SDK1: variants seen among roughly 807,000 people sequenced by gnomAD.
SDK1 encodes protein sidekick-1.
In SDK1, 157 loss-of-function variants were observed where a neutral mutation model predicts 245.5. That is an observed-to-expected ratio of 0.64 (90% CI 0.56 to 0.73). The LOEUF (loss-of-function observed/expected upper bound fraction) is 0.73. Among genes scored for constraint, SDK1 ranks in the 30% least tolerant of loss-of-function variants. The pLI is 0.00. For missense variants in SDK1, 3,583 were observed against 3,002.3 expected, an observed-to-expected ratio of 1.19 and a Z score of -4.52; for synonymous variants, 1,647 against 1,278.5, an observed-to-expected ratio of 1.29 and a Z score of -6.15.
chr7:3,325,745 A>G (rs1342696192), intron 1 of SDK1, among the ~76,000 whole-genome samples: 1 of 152,178 alleles, frequency 6.6e-6, no homozygotes, highest in Non-Finnish European at 1.5e-5. Context: ...AATGTGTTAC[A>G]AATTTTTTAC....
intron 4 of SDK1, among the ~76,000 whole-genome samples, chr7:3,703,331 G>A (rs1024942662): frequency 3.3e-5 from 5 of 152,178 alleles, no homozygotes; most frequent in African/African-American, 1.2e-4. Flanking sequence ...GAATGAGTCT[G>A]AGGGGAATTA....
At chr7:4,209,017 G>A (rs200670625) in intron 37 of SDK1, among the ~76,000 whole-genome samples, 5 of 152,180 alleles carry the variant, frequency 3.3e-5, no homozygotes, top group Non-Finnish European at 5.9e-5. Context: ...GGGCAGAGAC[G>A]CAGGGCTCAG....
chr7:3,666,753 C>CA (rs1470511787), intron 4 of SDK1, among the ~76,000 whole-genome samples: 24 of 151,874 alleles, frequency 1.6e-4, no homozygotes, highest in African/African-American at 5.1e-4. Flanking sequence ...TTTGTGAAAA[C>CA]AAAAAAAATC....
At chr7:3,623,839 A>T (rs771250228) in intron 2 of SDK1, among the ~76,000 whole-genome samples, 1 of 152,202 alleles carries the variant, frequency 6.6e-6, no homozygotes, top group South Asian at 2.1e-4. Flanking sequence ...TAAAAATTTT[A>T]TAGTTTTCTT....
intron 1 of SDK1, among the ~76,000 whole-genome samples, chr7:3,392,569 T>A (rs1435678679): frequency 6.6e-6 from 1 of 152,182 alleles, no homozygotes; most frequent in East Asian, 1.9e-4. Context: ...AAAACGTCTT[T>A]GTCATTTCAA....
chr7:3,872,046 T>C (rs925326212), intron 5 of SDK1, among the ~76,000 whole-genome samples: 1 of 144,364 alleles, frequency 6.9e-6, no homozygotes, highest in Admixed American at 6.9e-5. Context: ...TCTATTGAGA[T>C]GATCATTTGT....
chr7:3,836,964 T>G (rs1004370132), intron 5 of SDK1, among the ~76,000 whole-genome samples: 1 of 152,016 alleles, frequency 6.6e-6, no homozygotes, highest in Non-Finnish European at 1.5e-5. Context: ...TCTCTGGGCA[T>G]TGGGGGTGCA....
chr7:3,601,794 A>C, intron 1 of SDK1, among the ~76,000 whole-genome samples: 1 of 150,920 alleles, frequency 6.6e-6, no homozygotes, highest in African/African-American at 2.4e-5. Context: ...GTCATTTAGC[A>C]TTAGGTATAT....
At chr7:3,327,836 A>G (rs1355454898) in intron 1 of SDK1, among the ~76,000 whole-genome samples, 1 of 152,148 alleles carries the variant, frequency 6.6e-6, no homozygotes, top group African/African-American at 2.4e-5. Flanking sequence ...GTAATGCTGT[A>G]ATTACCCATC....
chr7:3,542,147 G>A (rs1358729649), intron 1 of SDK1, among the ~76,000 whole-genome samples: 2 of 152,106 alleles, frequency 1.3e-5, no homozygotes, highest in African/African-American at 2.4e-5. Flanking sequence ...CCAAACTGTA[G>A]AATTTTAATT....
chr7:3,405,521 C>T (rs963827068), intron 1 of SDK1, among the ~76,000 whole-genome samples: 5 of 152,220 alleles, frequency 3.3e-5, no homozygotes, highest in African/African-American at 1.2e-4. Context: ...CCCAAAATCT[C>T]TGCCTGTCTT....
chr7:3,473,615 C>T (rs907631105), intron 1 of SDK1, among the ~76,000 whole-genome samples: 1 of 152,140 alleles, frequency 6.6e-6, no homozygotes, highest in East Asian at 1.9e-4. Flanking sequence ...TCCTTGCTTC[C>T]ATGTGCTTTA....
intron 4 of SDK1, among the ~76,000 whole-genome samples, chr7:3,676,158 G>T (rs543428001): frequency 1.3e-5 from 2 of 151,468 alleles, no homozygotes; most frequent in African/African-American, 4.9e-5. Context: ...GTGGAGACGG[G>T]GTCTCACTAT....
chr7:3,336,430 T>A (rs1490316460), intron 1 of SDK1, among the ~76,000 whole-genome samples: 1 of 152,050 alleles, frequency 6.6e-6, no homozygotes, highest in East Asian at 1.9e-4. Flanking sequence ...AAGGCCCAGG[T>A]TAGGGCCATA....
intron 4 of SDK1, among the ~76,000 whole-genome samples, chr7:3,654,419 C>T (rs1007458153): frequency 8.5e-5 from 13 of 152,126 alleles, no homozygotes; most frequent in African/African-American, 2.4e-4. Context: ...CCGTGCAGAG[C>T]GAGAGGTGGA....
At chr7:3,342,392 C>T (rs1214455534) in intron 1 of SDK1, among the ~76,000 whole-genome samples, 1 of 151,936 alleles carries the variant, frequency 6.6e-6, no homozygotes, top group Non-Finnish European at 1.5e-5. Flanking sequence ...AGTTTGAGAT[C>T]AGCCTGACCG....
At chr7:3,309,554 T>G (rs1227725335) in intron 1 of SDK1, among the ~76,000 whole-genome samples, 2 of 136,544 alleles carry the variant, frequency 1.5e-5, no homozygotes, top group African/African-American at 5.2e-5. Context: ...CATGAGTGTA[T>G]AAACTGTTCC....
At chr7:3,590,517 A>G (rs574389182) in intron 1 of SDK1, among the ~76,000 whole-genome samples, 3 of 152,174 alleles carry the variant, frequency 2.0e-5, no homozygotes, top group Non-Finnish European at 4.4e-5. Context: ...TGTGAATGCT[A>G]ATAAGTTTGA....
At chr7:3,467,296 C>G (rs1209239436) in intron 1 of SDK1, among the ~76,000 whole-genome samples, 2 of 151,860 alleles carry the variant, frequency 1.3e-5, no homozygotes, top group African/African-American at 4.8e-5. Flanking sequence ...CAATTAAATG[C>G]CACTTATGTT....
Sources: gnomAD v4.1 joint callset for allele counts (sites outside exome capture counted in the v4.1 genomes callset) on GRCh38, gnomAD v4.1.1 for gene constraint, MANE v1.5 for transcripts, NCBI Gene and HGNC (gene_info 2026-07-23, HGNC 2026-07-21) for gene names.